KCNK1: variants seen among roughly 807,000 people sequenced by gnomAD.
KCNK1 encodes potassium channel subfamily K member 1.
A neutral mutation model predicts 22.2 loss-of-function variants in KCNK1; 10 were observed. The ratio of observed to expected loss-of-function variants is 0.45; its 90% confidence interval spans 0.28 to 0.76. KCNK1 has a LOEUF of 0.76. KCNK1 is among the 30% of genes least tolerant of loss of function. KCNK1 has a pLI of 0.14. For synonymous variants in KCNK1, 200 were observed against 186.4 expected (o/e 1.07, Z -0.60); for missense variants, 378 against 421.0 (o/e 0.90, Z 0.89).
At chr1:233,626,624 A>G (rs1447170272) in intron 1 of KCNK1, among the ~76,000 whole-genome samples, 1 of 152,168 alleles carries the variant, frequency 6.6e-6, no homozygotes, top group East Asian at 1.9e-4. Flanking sequence ...AGTAGAAAAG[A>G]AAGAAGAGGT....
At chr1:233,625,223 C>T (rs1657667398) in intron 1 of KCNK1, among the ~76,000 whole-genome samples, 1 of 152,068 alleles carries the variant, frequency 6.6e-6, no homozygotes, top group Non-Finnish European at 1.5e-5. Context: ...GCGGGGAAGC[C>T]CAGCAAGGCC....
chr1:233,658,156 G>A (rs192566267), intron 1 of KCNK1, among the ~76,000 whole-genome samples: 4 of 152,060 alleles, frequency 2.6e-5, no homozygotes, highest in African/African-American at 7.2e-5. Context: ...GCTAAGAAAG[G>A]TTCAACACAT....
chr1:233,619,162 C>G (rs931621812), intron 1 of KCNK1, among the ~76,000 whole-genome samples: 2 of 152,054 alleles, frequency 1.3e-5, no homozygotes, highest in Admixed American at 6.6e-5. Flanking sequence ...GGACTACAGG[C>G]GCACACCACC....
At chr1:233,615,379 C>A (rs1006402563) in intron 1 of KCNK1, among the ~76,000 whole-genome samples, 2 of 152,194 alleles carry the variant, frequency 1.3e-5, no homozygotes, top group African/African-American at 4.8e-5. Flanking sequence ...AAGATGAGGC[C>A]GGGCGCATGC....
At chr1:233,651,594 AG>A (rs1649737836) in intron 1 of KCNK1, among the ~76,000 whole-genome samples, 1 of 152,176 alleles carries the variant, frequency 6.6e-6, no homozygotes, top group Non-Finnish European at 1.5e-5. Context: ...AGAAAGAAAA[AG>A]GGGCATACTA....
intron 1 of KCNK1, among the ~76,000 whole-genome samples, chr1:233,664,604 C>G (rs72762256): frequency 6.6e-6 from 1 of 152,204 alleles, no homozygotes; most frequent in Admixed American, 6.5e-5. Flanking sequence ...GATGTACAAT[C>G]TCAGAGGATT....
intron 1 of KCNK1, among the ~76,000 whole-genome samples, chr1:233,652,740 A>C (rs1282563040): frequency 1.3e-5 from 2 of 152,182 alleles, no homozygotes; most frequent in African/African-American, 2.4e-5. Flanking sequence ...CCCTGTAACT[A>C]TCCAGTACAC....
At chr1:233,671,192 A>G (rs1658590359) in intron 2 of KCNK1, 79 bp from the exon 3 acceptor site, 11 of 1,264,324 alleles carry the variant, frequency 8.7e-6, no homozygotes, top group African/African-American at 2.9e-5. Flanking sequence ...TGTTGGCATG[A>G]GGTGGGGAGG....
chr1:233,615,903 A>G (rs930179265), intron 1 of KCNK1, among the ~76,000 whole-genome samples: 7 of 152,240 alleles, frequency 4.6e-5, no homozygotes, highest in African/African-American at 1.7e-4. Context: ...ATCTACCCTG[A>G]AATAAACAGA....
In KCNK1 at chr1:233,614,524, C is replaced by T. The variant is rs776096813; in HGVS notation, c.353C>T (p.Thr118Ile). ...LFFASTVLST[T>I]GYGHTVPLSD... is the part of the protein sequence containing the mutation. ...TTCGCCAGCACCGTGCTCTCCACCACAGGTAGGGTATCCTGCGCGCCCCCT... is the reference window on the plus strand; with the variant it reads ...TTCGCCAGCACCGTGCTCTCCACCATAGGTAGGGTATCCTGCGCGCCCCCT... The change falls in exon 1 of 3, where the codon ACA becomes ATA. Residue 118 changes from threonine (T) to isoleucine (I), a missense_variant and splice_region_variant. By Grantham distance (89) the Thr-to-Ile change is moderately conservative. Transcript: ENST00000366621. 6.3e-7 allele frequency: 1 copy of T among 1,583,410 alleles called. No individual in the cohort carries two copies. The highest frequency in any genetic ancestry group is 8.6e-7 in the Non-Finnish European group (1 of 1,163,068).
At chr1:233,669,398 C>G (rs1658557052) in intron 2 of KCNK1, among the ~76,000 whole-genome samples, 1 of 152,126 alleles carries the variant, frequency 6.6e-6, no homozygotes, top group African/African-American at 2.4e-5. Flanking sequence ...AAAAAGCAAT[C>G]TACATAGAAT....
At chr1:233,635,239 G>A (rs1192225853) in intron 1 of KCNK1, among the ~76,000 whole-genome samples, 2 of 152,180 alleles carry the variant, frequency 1.3e-5, no homozygotes, top group Non-Finnish European at 2.9e-5. Context: ...GAATATCCCT[G>A]AGGGTATAGT....
intron 1 of KCNK1, among the ~76,000 whole-genome samples, chr1:233,628,346 C>G (rs1237160496): frequency 1.3e-5 from 2 of 152,092 alleles, no homozygotes; most frequent in African/African-American, 4.8e-5. Context: ...CCATTGGATA[C>G]TATGTTCACT....
At chr1:233,644,499 G>T (rs1658056169) in intron 1 of KCNK1, among the ~76,000 whole-genome samples, 1 of 152,186 alleles carries the variant, frequency 6.6e-6, no homozygotes, top group South Asian at 2.1e-4. Context: ...AGATAGTAGT[G>T]GGGGCTACAA....
At chr1:233,629,932 T>G (rs905141836) in intron 1 of KCNK1, 1 of 151,880 alleles carries the variant, frequency 6.6e-6, no homozygotes. Flanking sequence ...GCGAAGTTGT[T>G]GCTGTACGTA....
At chr1:233,627,022 CACAA>C (rs1198186968) in intron 1 of KCNK1, among the ~76,000 whole-genome samples, 3 of 149,346 alleles carry the variant, frequency 2.0e-5, no homozygotes, top group South Asian at 4.2e-4. Context: ...TTTTTTTTTT[CACAA>C]ACAATCTAAA....
At chr1:233,644,541 G>A (rs1023645757) in intron 1 of KCNK1, among the ~76,000 whole-genome samples, 2 of 152,220 alleles carry the variant, frequency 1.3e-5, no homozygotes, top group East Asian at 3.8e-4. Context: ...GCTTGAGCAT[G>A]ACTGGGGAGG....
intron 1 of KCNK1, among the ~76,000 whole-genome samples, chr1:233,649,179 C>T (rs1558115925): frequency 6.6e-6 from 1 of 152,162 alleles, no homozygotes; most frequent in African/African-American, 2.4e-5. Flanking sequence ...ACCCTAGGGA[C>T]AAAGAGTTAA....
chr1:233,652,932 T>C (rs1470202467), intron 1 of KCNK1, among the ~76,000 whole-genome samples: 1 of 152,192 alleles, frequency 6.6e-6, no homozygotes, highest in Admixed American at 6.5e-5. Context: ...GGAACTGCCC[T>C]TCCCAGGGCT....
Sources: gnomAD v4.1 joint callset for allele counts (sites outside exome capture counted in the v4.1 genomes callset) on GRCh38, gnomAD v4.1.1 for gene constraint, MANE v1.5 for transcripts, NCBI Gene and HGNC (gene_info 2026-07-23, HGNC 2026-07-21) for gene names.